PTPRB: variants seen among roughly 807,000 people sequenced by gnomAD.
PTPRB encodes protein tyrosine phosphatase receptor type B, also known as receptor-type tyrosine-protein phosphatase beta.
PTPRB carries 97 observed loss-of-function variants against 238.1 expected under a neutral mutation model. The ratio of observed to expected loss-of-function variants is 0.41; its 90% CI spans 0.35 to 0.48. The LOEUF (loss-of-function observed/expected upper bound fraction) is 0.48, where lower values mean the gene tolerates loss of function less well. PTPRB is among the 20% of genes least tolerant of loss of function. The pLI, the probability that PTPRB is intolerant of heterozygous loss-of-function variation, is 0.30. For synonymous variants in PTPRB, 970 were observed against 995.4 expected, an observed-to-expected ratio of 0.97 and a Z score of 0.48; for missense variants, 2,292 against 2,681.9, an observed-to-expected ratio of 0.85 and a Z score of 3.21.
chr12:70,534,621 G>A lies in PTPRB; in HGVS notation c.6235C>T (p.Arg2079Cys), dbSNP rs767559324. The change falls in exon 31 of 34, where the codon CGC (arginine) becomes TGC (cysteine). Residue 2079 changes from arginine to cysteine, a missense_variant. Physicochemically the swap from Arg to Cys is radical, Grantham distance 180. Coordinates refer to ENST00000334414, the MANE Select transcript of PTPRB (RefSeq NM_001109754.4). ...EEQLDAHRLIRHFHYTVWPDH... is the reference protein window; with the variant it reads ...EEQLDAHRLICHFHYTVWPDH... ...GGCCACACCGTATAGTGAAAGTGGC[G>A]GATGAGTCTGTGTGCATCAAGCTGT... 4.6e-5 allele frequency: 74 copies of A among 1,612,410 alleles called. No individual in the cohort carries two copies. Among genetic ancestry groups the A allele is most frequent in the Non-Finnish European group, 5.6e-5 (66 of 1,179,348 alleles).
At chr12:70,637,266 G>T in intron 1 of PTPRB, 75 bp downstream of exon 1, 1 of 1,369,822 alleles carries the variant, frequency 7.3e-7, no homozygotes, top group Non-Finnish European at 1.0e-6. Flanking sequence ...CCTTATTTCA[G>T]ACACTTCAAA....
rs1877644056 is a variant in PTPRB, at chr12:70,556,166, G to A, written c.4715-18C>T. ...GTCAGGCTCTAAAGGAAACAGAGGAGGCAACACTTTTCAGAACTCAGGGAG... is the reference window on the plus strand; with the variant it reads ...GTCAGGCTCTAAAGGAAACAGAGGAAGCAACACTTTTCAGAACTCAGGGAG... On this transcript the variant is annotated intron_variant, in intron 18 of 33. Transcript: ENST00000334414. The A allele has an allele frequency of 6.3e-7, 1 of 1,598,026 alleles. No individual in the cohort carries two copies. Among genetic ancestry groups the A allele is most frequent in the Non-Finnish European group, 8.5e-7 (1 of 1,173,194 alleles).
intron 4 of PTPRB, among the ~76,000 whole-genome samples, chr12:70,606,049 A>G (rs1289130544): frequency 6.6e-6 from 1 of 152,210 alleles, no homozygotes; most frequent in Non-Finnish European, 1.5e-5. Flanking sequence ...AAACCTGAGA[A>G]TTGCCAAATA....
At chr12:70,607,722 G>C (rs968043883) in intron 4 of PTPRB, among the ~76,000 whole-genome samples, 9 of 151,456 alleles carry the variant, frequency 5.9e-5, no homozygotes, top group Admixed American at 2.6e-4. Context: ...TTATTTATTT[G>C]TTTTATTTTT....
chr12:70,573,737 C>T (rs1463061114), intron 11 of PTPRB, among the ~76,000 whole-genome samples: 2 of 151,768 alleles, frequency 1.3e-5, no homozygotes, highest in Admixed American at 6.6e-5. Flanking sequence ...AAACTCCTGA[C>T]CTCATGATTC....
chr12:70,546,130 C>A (rs1217160076), intron 21 of PTPRB, among the ~76,000 whole-genome samples: 1 of 145,022 alleles, frequency 6.9e-6, no homozygotes, highest in South Asian at 2.3e-4. Flanking sequence ...AAGCAGGACT[C>A]CACCTCAAAA....
rs913132051 is a variant in PTPRB at position 70,517,738 on chromosome 12, T to C, written c.*3751A>G. 7.2e-5 allele frequency: 11 copies of C among 152,344 alleles called. No homozygotes were observed. The highest frequency in any genetic ancestry group is 2.6e-4 in the African/African-American group (11 of 41,580). The allele number at this position is 152,344 out of a possible 1,614,324, so 9.4% of individuals were successfully genotyped here. A position where few individuals can be genotyped will look rare whatever the true frequency, so the allele number is the denominator to read the frequency against. On this transcript the variant is annotated 3_prime_UTR_variant, in exon 34 of 34. Transcript: ENST00000334414. ...TCAGGTTTGGTCTGGCTCATGTTTG[T>C]AAACTAAAACTCTAGAGCGTCTCAG...
chr12:70,544,434 A>T (rs1228272949), intron 22 of PTPRB, 123 bp downstream of exon 22: 4 of 692,696 alleles, frequency 5.8e-6, no homozygotes, highest in Non-Finnish European at 9.8e-6. Context: ...ATTTTTGGTC[A>T]CATAAAGATT....
At chr12:70,626,534 T>G (rs543517589) in intron 2 of PTPRB, among the ~76,000 whole-genome samples, 3 of 151,946 alleles carry the variant, frequency 2.0e-5, no homozygotes, top group Non-Finnish European at 2.9e-5. Context: ...GTACTGAACA[T>G]GTACAGACAT....
chr12:70,567,262 G>A (rs551544853), intron 14 of PTPRB, among the ~76,000 whole-genome samples: 7 of 152,120 alleles, frequency 4.6e-5, no homozygotes, highest in East Asian at 1.9e-4. Flanking sequence ...CCTAGATTTC[G>A]TCTATGTCCA....
intron 10 of PTPRB, among the ~76,000 whole-genome samples, chr12:70,579,093 G>T (rs1368210293): frequency 6.6e-6 from 1 of 152,170 alleles, no homozygotes; most frequent in Admixed American, 6.5e-5. Context: ...GTCTAAGCAT[G>T]AATTAAATCA....
rs749710145 is a variant in PTPRB, at chr12:70,590,174, C to T, written c.1840G>A (p.Val614Met). 4.2e-5 allele frequency: 67 copies of T among 1,607,976 alleles called. No homozygotes were observed. The highest frequency in any genetic ancestry group is 5.6e-5 in the Non-Finnish European group (66 of 1,176,668). ...NNNGRMRSLVVSWSPPAGDWE... is the reference protein window; with the variant it reads ...NNNGRMRSLVMSWSPPAGDWE... ...TCTCCAGCAGGGGGCGACCAGCTCA[C>T]TACAAGAGACCTCATCCTGCCATTA... is the stretch of plus-strand genomic sequence containing the variant. Residue 614 changes from valine (V) to methionine (M), a missense_variant, in exon 8 of 34, where the codon GTG (valine) becomes ATG (methionine). Transcript: ENST00000334414.
intron 4 of PTPRB, among the ~76,000 whole-genome samples, chr12:70,601,283 G>A (rs1337464537): frequency 1.3e-5 from 2 of 151,722 alleles, no homozygotes; most frequent in Non-Finnish European, 1.5e-5. Flanking sequence ...GATTGCATGC[G>A]AACCACCACG....
At position 70,571,304 on chromosome 12, in the gene PTPRB, G is replaced by A; in HGVS notation, c.3107-15C>T. 1 of 1,569,932 alleles carries A rather than the reference G, an allele frequency of 6.4e-7. No homozygotes were observed. The highest frequency in any genetic ancestry group is 8.8e-7 in the Non-Finnish European group (1 of 1,141,898). On this transcript the variant is annotated splice_polypyrimidine_tract_variant and intron_variant, in intron 12 of 33. Coordinates refer to ENST00000334414, the MANE Select transcript of PTPRB (RefSeq NM_001109754.4). Reference sequence around the variant, plus strand: ...AGGCTCTGGAACTAGGGAGAAAAATGAGAAGACATTTCAGGAAAGGAACTG... The same window carrying A: ...AGGCTCTGGAACTAGGGAGAAAAATAAGAAGACATTTCAGGAAAGGAACTG...
intron 23 of PTPRB, 113 bp from the exon 24 acceptor site, chr12:70,540,135 C>T: frequency 1.1e-6 from 1 of 907,200 alleles, no homozygotes; most frequent in Non-Finnish European, 1.7e-6. Flanking sequence ...TTTCAGTATT[C>T]ATACAGATTT....
At chr12:70,601,186 A>G (rs1883453565) in intron 4 of PTPRB, among the ~76,000 whole-genome samples, 3 of 151,788 alleles carry the variant, frequency 2.0e-5, no homozygotes, top group Admixed American at 1.3e-4. Flanking sequence ...ATTATTTTGT[A>G]GAGATAGGGT....
Position 70,622,664 on chromosome 12 carries a change from T to C in PTPRB, c.452-18A>G, listed in dbSNP as rs1279020260. 3.6e-5 allele frequency: 55 copies of C among 1,539,700 alleles called. No homozygotes were observed. The East Asian group carries it at 1.3e-3, about 36-fold the overall frequency. ...CAGGCCAGCTGAGGTAAAGAAAAGATAGTTGCAAAGATTATTCTCATGTTT... is the reference window on the plus strand; with the variant it reads ...CAGGCCAGCTGAGGTAAAGAAAAGACAGTTGCAAAGATTATTCTCATGTTT... On this transcript the variant is annotated intron_variant, in intron 2 of 33. Coordinates refer to ENST00000334414, the MANE Select transcript of PTPRB (RefSeq NM_001109754.4).
At chr12:70,611,906 G>A (rs886969684) in intron 3 of PTPRB, among the ~76,000 whole-genome samples, 4 of 152,118 alleles carry the variant, frequency 2.6e-5, no homozygotes, top group African/African-American at 9.7e-5. Flanking sequence ...CAGTGGCAGG[G>A]GTCCCCTCCT....
intron 2 of PTPRB, among the ~76,000 whole-genome samples, chr12:70,631,544 A>G (rs1183172334): frequency 6.6e-6 from 1 of 152,340 alleles, no homozygotes; most frequent in Non-Finnish European, 1.5e-5. Context: ...CTAAAACACC[A>G]AAAGCAATGG....
Sources: gnomAD v4.1 joint callset for allele counts (sites outside exome capture counted in the v4.1 genomes callset) on GRCh38, gnomAD v4.1.1 for gene constraint, MANE v1.5 for transcripts, NCBI Gene and HGNC (gene_info 2026-07-23, HGNC 2026-07-21) for gene names.